Variants in ELFN2 observed in about 807,000 individuals in gnomAD.
The protein encoded by ELFN2 is protein phosphatase 1 regulatory subunit 29.
Under a neutral mutation model 45.5 loss-of-function variants are expected in ELFN2, and 17 were observed. The ratio of observed to expected loss-of-function variants is 0.37; its 90% CI spans 0.26 to 0.56. The LOEUF (loss-of-function observed/expected upper bound fraction) is 0.56, where lower values mean the gene tolerates loss of function less well. Ranked by LOEUF, ELFN2 falls within the 20% of genes least tolerant of loss-of-function variation. ELFN2 has a pLI of 0.77. For synonymous variants in ELFN2, 550 were observed against 551.5 expected (o/e 1.00, Z 0.04); for missense variants, 922 against 1,183.2 (o/e 0.78, Z 3.24).
chr22:37,381,955 CAAAAAAAAAAAAAAAAAAAAA>C lies in ELFN2; in HGVS notation c.-462-5980_-462-5960del, dbSNP rs1159476533. ...TGGGCGACAGAGTGAGACTCCGTCT[CAAAAAAAAAAAAAAAAAAAAA>C]AAAAAAAAAAAAAAAGAATCTTCAA... On this transcript the variant is annotated intron_variant, in intron 2 of 2. Coordinates refer to ENST00000402918, the MANE Select transcript of ELFN2 (RefSeq NM_052906.5). Among the ~76,000 whole-genome samples, 91 of 59,242 alleles carry C rather than the reference CAAAAAAAAAAAAAAAAAAAAA, an allele frequency of 1.5e-3. 2 individuals are homozygous for C. Among genetic ancestry groups the C allele is most frequent in the African/African-American group, 5.0e-3 (81 of 16,126 alleles). 38.9% of individuals were successfully genotyped at this position (59,242 alleles called of 152,430 possible). A position where few individuals can be genotyped will look rare whatever the true frequency, so the allele number is the denominator to read the frequency against.
chr22:37,384,050 C>A (rs1186692428), intron 2 of ELFN2, among the ~76,000 whole-genome samples: 1 of 152,086 alleles, frequency 6.6e-6, no homozygotes, highest in Non-Finnish European at 1.5e-5. Flanking sequence ...CACCGTGTCA[C>A]CCCCCCATGG....
At chr22:37,362,870 C>T (rs1480267866) in intron 1 of ELFN2, among the ~76,000 whole-genome samples, 1 of 152,216 alleles carries the variant, frequency 6.6e-6, no homozygotes, top group African/African-American at 2.4e-5. Context: ...AGATCAGATG[C>T]TCTTCTGAGA....
At chr22:37,341,529 A>C (rs961851866) in intron 2 of ELFN2, among the ~76,000 whole-genome samples, 17 of 152,220 alleles carry the variant, frequency 1.1e-4, no homozygotes, top group African/African-American at 4.1e-4. Flanking sequence ...GCCCTGGGCA[A>C]GCCACTTTCC....
chr22:37,403,411 G>GAGGGGCCC (rs534614304), intron 2 of ELFN2, among the ~76,000 whole-genome samples: 179 of 152,096 alleles, frequency 1.2e-3, no homozygotes, highest in African/African-American at 4.1e-3. Flanking sequence ...CAAGGCGAGC[G>GAGGGGCCC]AGGGGCCGGA....
intron 2 of ELFN2, among the ~76,000 whole-genome samples, chr22:37,388,181 G>A (rs184331967): frequency 2.6e-4 from 39 of 151,988 alleles, no homozygotes; most frequent in Non-Finnish European, 5.1e-4. Flanking sequence ...AAAAGTCTTC[G>A]TTGGCTCGGG....
chr22:37,352,680 A>T (rs1268684594), intron 1 of ELFN2, among the ~76,000 whole-genome samples: 1 of 150,680 alleles, frequency 6.6e-6, no homozygotes, highest in East Asian at 1.9e-4. Context: ...AGGCTGGAAC[A>T]CGTGTGGTTG....
At chr22:37,403,437 G>A (rs1011024469) in intron 2 of ELFN2, among the ~76,000 whole-genome samples, 10 of 151,796 alleles carry the variant, frequency 6.6e-5, no homozygotes, top group African/African-American at 2.2e-4. Flanking sequence ...GGGATGGGCC[G>A]AGAGAAGACT....
chr22:37,348,409 G>T (rs1930745796), intron 1 of ELFN2, among the ~76,000 whole-genome samples: 1 of 137,832 alleles, frequency 7.3e-6, no homozygotes, highest in East Asian at 1.9e-4. Context: ...GTGTTAGGGG[G>T]CAGGGAAGGG....
At chr22:37,360,019 G>T (rs761757710) in intron 1 of ELFN2, among the ~76,000 whole-genome samples, 2 of 152,218 alleles carry the variant, frequency 1.3e-5, no homozygotes, top group African/African-American at 2.4e-5. Flanking sequence ...ATGGAAAGGG[G>T]CAGTAACTTC....
chr22:37,357,444 T>G (rs1404175737), intron 1 of ELFN2, among the ~76,000 whole-genome samples: 3 of 152,224 alleles, frequency 2.0e-5, no homozygotes, highest in Non-Finnish European at 4.4e-5. Flanking sequence ...TTCGCCATTT[T>G]TATGGCTTCA....
chr22:37,358,980 C>T (rs1931015563), intron 1 of ELFN2, among the ~76,000 whole-genome samples: 1 of 152,060 alleles, frequency 6.6e-6, no homozygotes, highest in African/African-American at 2.4e-5. Flanking sequence ...GGACTGGGGG[C>T]CGCTGGGCTA....
chr22:37,381,633 G>A (rs1931774020), intron 2 of ELFN2, among the ~76,000 whole-genome samples: 1 of 151,888 alleles, frequency 6.6e-6, no homozygotes, highest in East Asian at 1.9e-4. Flanking sequence ...ACTACCTGAC[G>A]TCACTTAATT....
In ELFN2 at chr22:37,373,731, G is replaced by A. The variant is rs779305364; in HGVS notation, c.1804C>T (p.Leu602Phe). The A allele has an allele frequency of 3.3e-5, 52 of 1,559,004 alleles. 1 individual carries two copies. The South Asian group carries it at 6.2e-4, about 19-fold the overall frequency. The change falls in exon 3 of 3, where the codon CTT (leucine) becomes TTT (phenylalanine). Residue 602 changes from leucine to phenylalanine, a missense_variant. Coordinates refer to ENST00000402918, the MANE Select transcript of ELFN2 (RefSeq NM_052906.5). ...GAGCTCTCCTTGTAGGGAGGCGAAAGGAAGCTGGGCCGCTCCAGGGCCCCG... is the reference window on the plus strand; with the variant it reads ...GAGCTCTCCTTGTAGGGAGGCGAAAAGAAGCTGGGCCGCTCCAGGGCCCCG... ...GPGALERPSFLSPPYKESSHH... is the reference protein window; with the variant it reads ...GPGALERPSFFSPPYKESSHH...
At chr22:37,384,019 C>T (rs955613720) in intron 2 of ELFN2, among the ~76,000 whole-genome samples, 2 of 152,118 alleles carry the variant, frequency 1.3e-5, no homozygotes, top group African/African-American at 4.8e-5. Context: ...CTGGGGCCAC[C>T]CCAAAGCCCT....
intron 2 of ELFN2, among the ~76,000 whole-genome samples, chr22:37,381,954 TCAAAAAAAA>T (rs1931788242): frequency 9.0e-5 from 3 of 33,484 alleles, no homozygotes; most frequent in Admixed American, 5.2e-4. Context: ...AGACTCCGTC[TCAAAAAAAA>T]AAAAAAAAAA....
chr22:37,409,663 C>T (rs1932597564), intron 2 of ELFN2, among the ~76,000 whole-genome samples: 1 of 152,224 alleles, frequency 6.6e-6, no homozygotes, highest in Non-Finnish European at 1.5e-5. Context: ...CACTTCAGAT[C>T]TGAAGTGGGT....
Position 37,369,542 on chromosome 22 carries a change from C to A in ELFN2, c.*3530G>T, listed in dbSNP as rs41304683. ...GGAAAAGCAAGGCCGGGACCCGTGA[C>A]GAGGTTTCCCCACCAACCAGGCTTT... On this transcript the variant is annotated 3_prime_UTR_variant, in exon 3 of 3. Coordinates refer to ENST00000402918, the MANE Select transcript of ELFN2 (RefSeq NM_052906.5). 6.6e-6 allele frequency: 1 copy of A among 152,236 alleles called. No individual in the cohort carries two copies. Among genetic ancestry groups the A allele is most frequent in the Non-Finnish European group, 1.5e-5 (1 of 68,050 alleles). 9.4% of individuals were successfully genotyped at this position (152,236 alleles called of 1,614,324 possible).
intron 2 of ELFN2, among the ~76,000 whole-genome samples, chr22:37,393,012 T>C (rs1490281235): frequency 6.6e-6 from 1 of 152,188 alleles, no homozygotes; most frequent in Non-Finnish European, 1.5e-5. Flanking sequence ...ACTTCGTTCA[T>C]TATTAAACTC....
chr22:37,421,913 C>T (rs1029581602), intron 1 of ELFN2, among the ~76,000 whole-genome samples: 4 of 152,146 alleles, frequency 2.6e-5, no homozygotes, highest in African/African-American at 9.7e-5. Flanking sequence ...CTCTGTCTCT[C>T]CAAGATTCAG....
Sources: allele counts gnomAD v4.1 joint callset (sites outside exome capture counted in the v4.1 genomes callset), GRCh38; gene constraint gnomAD v4.1.1; transcripts MANE v1.5; gene names NCBI Gene and HGNC (gene_info 2026-07-23, HGNC 2026-07-21).